Variants in KCNH1 observed in about 807,000 individuals in gnomAD.
KCNH1 encodes the protein voltage-gated delayed rectifier potassium channel KCNH1.
Under a neutral mutation model 69.2 loss-of-function variants are expected in KCNH1, and 27 were observed. The observed-to-expected ratio is 0.39, with a 90% CI of 0.29 to 0.54. The LOEUF is 0.54. Among genes scored for constraint, KCNH1 ranks in the 20% least tolerant of loss-of-function variants. The pLI, the probability that KCNH1 is intolerant of heterozygous loss-of-function variation, is 0.68. For missense variants in KCNH1, 798 were observed against 1,261.6 expected (o/e 0.63, Z 5.57); for synonymous variants, 456 against 487.7 (o/e 0.93, Z 0.86).
At chr1:210,889,483 G>C (rs1686697333) in intron 7 of KCNH1, among the ~76,000 whole-genome samples, 1 of 152,184 alleles carries the variant, frequency 6.6e-6, no homozygotes, top group Non-Finnish European at 1.5e-5. Flanking sequence ...CATTCTCTTT[G>C]AAAACCAGCA....
At chr1:210,742,874 T>G (rs1683067268) in intron 10 of KCNH1, among the ~76,000 whole-genome samples, 1 of 152,092 alleles carries the variant, frequency 6.6e-6, no homozygotes, top group Non-Finnish European at 1.5e-5. Context: ...CGCGTGCACG[T>G]GCATGTGTGT....
intron 10 of KCNH1, among the ~76,000 whole-genome samples, chr1:210,711,753 T>C (rs1682080808): frequency 6.6e-6 from 1 of 152,190 alleles, no homozygotes; most frequent in African/African-American, 2.4e-5. Context: ...AACAGTCCAC[T>C]GTGGGCAGGG....
intron 7 of KCNH1, among the ~76,000 whole-genome samples, chr1:210,820,628 T>C (rs1383932578): frequency 6.6e-6 from 1 of 152,150 alleles, no homozygotes; most frequent in East Asian, 1.9e-4. Context: ...AGAGAGACTC[T>C]GTCTCAAAAA....
chr1:211,114,230 A>G (rs1480380068), intron 1 of KCNH1, among the ~76,000 whole-genome samples: 2 of 152,254 alleles, frequency 1.3e-5, no homozygotes, highest in East Asian at 3.9e-4. Flanking sequence ...GGCTCCAGAT[A>G]CTATGCAAGG....
chr1:210,893,087 AG>A (rs1686782940), intron 7 of KCNH1, among the ~76,000 whole-genome samples: 1 of 152,212 alleles, frequency 6.6e-6, no homozygotes, highest in Non-Finnish European at 1.5e-5. Context: ...AAGAAAGTTC[AG>A]GCAGAAAGGC....
intron 6 of KCNH1, among the ~76,000 whole-genome samples, chr1:211,002,316 GTATATATATATGTGTGTGTGTGTA>G (rs1270542262): frequency 1.6e-5 from 2 of 127,100 alleles, no homozygotes; most frequent in African/African-American, 6.4e-5. Flanking sequence ...ATGTATACGT[GTATATATATATGTGTGTGTGTGTA>G]TATATATATA....
At chr1:211,068,363 CAAAGT>C (rs1690571624) in intron 5 of KCNH1, among the ~76,000 whole-genome samples, 1 of 152,126 alleles carries the variant, frequency 6.6e-6, no homozygotes, top group Admixed American at 6.5e-5. Context: ...CTTCTAATAA[CAAAGT>C]AAAAAGCTGA....
rs192058308 is a variant in KCNH1, at chr1:211,027,352, T to C, written c.559-8096A>G. On this transcript the variant is annotated intron_variant, in intron 5 of 10. Transcript: ENST00000271751. Reference sequence around the variant, plus strand: ...CAGGCTCAGTGGCTCATGTCTCTAATCCTAACATTTTGGAGGCCAATGTAG... The same window carrying C: ...CAGGCTCAGTGGCTCATGTCTCTAACCCTAACATTTTGGAGGCCAATGTAG... Among the ~76,000 whole-genome samples, 87 of 152,214 alleles carry C rather than the reference T, an allele frequency of 5.7e-4. No homozygotes were observed. The East Asian group carries it at 0.011, about 20-fold the overall frequency.
At chr1:210,767,493 G>T (rs1468428624) in intron 10 of KCNH1, among the ~76,000 whole-genome samples, 2 of 152,202 alleles carry the variant, frequency 1.3e-5, no homozygotes, top group Admixed American at 1.3e-4. Context: ...AGCTGGAAGA[G>T]ATACTAAAGA....
At chr1:210,739,685 T>C (rs1209392919) in intron 10 of KCNH1, among the ~76,000 whole-genome samples, 2 of 152,244 alleles carry the variant, frequency 1.3e-5, no homozygotes, top group Non-Finnish European at 2.9e-5. Flanking sequence ...CTTTTTCAGC[T>C]CCAACTTAAA....
At chr1:210,813,962 G>A (rs1348614869) in intron 7 of KCNH1, among the ~76,000 whole-genome samples, 4 of 152,166 alleles carry the variant, frequency 2.6e-5, no homozygotes, top group Non-Finnish European at 5.9e-5. Flanking sequence ...TGTAAGATGT[G>A]CCTTTTGCCT....
intron 4 of KCNH1, among the ~76,000 whole-genome samples, chr1:211,089,070 T>C (rs1691006715): frequency 6.6e-6 from 1 of 152,168 alleles, no homozygotes; most frequent in Non-Finnish European, 1.5e-5. Flanking sequence ...CTACAAATGT[T>C]CCAGTAGTAA....
chr1:210,924,726 A>G (rs895632545), intron 6 of KCNH1, among the ~76,000 whole-genome samples: 1 of 152,164 alleles, frequency 6.6e-6, no homozygotes, highest in Non-Finnish European at 1.5e-5. Flanking sequence ...ACATATCACC[A>G]CCAGCAATGC....
At position 210,685,213 on chromosome 1, in the gene KCNH1, G is replaced by A. The variant is rs139238780; in HGVS notation, c.2113-1075C>T. 1.9e-3 allele frequency among the ~76,000 whole-genome samples: 290 copies of A among 152,188 alleles called. 3 individuals carry two copies. The highest frequency in any genetic ancestry group is 9.7e-4 in the East Asian group (5 of 5,180). ...ACATTGCATGTGGCAGTTAGACTCT[G>A]GGACGTGTTTTGACCCATATCATGT... On this transcript the variant is annotated intron_variant, in intron 10 of 10. Coordinates refer to ENST00000271751, the MANE Select transcript of KCNH1 (RefSeq NM_172362.3).
intron 7 of KCNH1, among the ~76,000 whole-genome samples, chr1:210,851,747 T>G (rs60645773): frequency 0.094 from 14,300 of 152,214 alleles, 1,528 homozygotes; most frequent in African/African-American, 0.25. Context: ...CTAAATGCTG[T>G]AAGCTATAAT....
At chr1:211,067,977 T>C (rs1391274340) in intron 5 of KCNH1, among the ~76,000 whole-genome samples, 1 of 152,240 alleles carries the variant, frequency 6.6e-6, no homozygotes, top group Non-Finnish European at 1.5e-5. Flanking sequence ...CAGTACTTGC[T>C]TCCTTCTTTT....
At chr1:210,698,096 C>A (rs1391116435) in intron 10 of KCNH1, among the ~76,000 whole-genome samples, 1 of 152,210 alleles carries the variant, frequency 6.6e-6, no homozygotes, top group African/African-American at 2.4e-5. Context: ...GGTATGTTCA[C>A]TCCAGGAGTA....
chr1:210,702,252 C>A (rs1361786492), intron 10 of KCNH1, among the ~76,000 whole-genome samples: 3 of 152,182 alleles, frequency 2.0e-5, no homozygotes, highest in African/African-American at 7.2e-5. Context: ...GCCCTGCAAT[C>A]TGAGGATTCT....
At chr1:210,993,116 C>A (rs945311429) in intron 6 of KCNH1, among the ~76,000 whole-genome samples, 4 of 152,162 alleles carry the variant, frequency 2.6e-5, no homozygotes, top group African/African-American at 9.7e-5. Context: ...CTTACGTCAG[C>A]CCCCCACTGC....
Sources: allele counts gnomAD v4.1 joint callset (sites outside exome capture counted in the v4.1 genomes callset), GRCh38; gene constraint gnomAD v4.1.1; transcripts MANE v1.5; gene names NCBI Gene and HGNC (gene_info 2026-07-23, HGNC 2026-07-21).